FOCAD: variants seen among roughly 807,000 people sequenced by gnomAD.
The protein encoded by FOCAD is focadhesin, also known as KIAA1797.
FOCAD carries 198 observed loss-of-function variants against 225.6 expected under a neutral mutation model. That is an observed-to-expected ratio of 0.88 (90% CI 0.78 to 0.99). The LOEUF is 0.99. FOCAD is among the 50% of genes least tolerant of loss of function. FOCAD has a pLI of 0.00. For missense variants in FOCAD, 2,713 were observed against 2,123.6 expected (o/e 1.28, Z -5.46); for synonymous variants, 897 against 755.0 (o/e 1.19, Z -3.08).
chr9:20,926,818 A>G (rs1834999417), intron 26 of FOCAD, among the ~76,000 whole-genome samples: 1 of 151,536 alleles, frequency 6.6e-6, no homozygotes, highest in Non-Finnish European at 1.5e-5. Context: ...AAAAAAAGAA[A>G]TCCATTATAT....
In FOCAD at chr9:20,781,928, A is replaced by G. The variant is rs1426964002; in HGVS notation, c.1196A>G (p.Lys399Arg). The G allele has an allele frequency of 6.2e-6, 10 of 1,613,218 alleles. No individual in the cohort carries two copies. Among genetic ancestry groups the G allele is most frequent in the Non-Finnish European group, 8.5e-6 (10 of 1,179,384 alleles). ...GAATGTTACAGAGATGACCACCAAA[A>G]GGTAATGAATCTATCCTTGTTTCTC... ...QQECYRDDHQ[K>R]LSYKLVCPVT... Residue 399 changes from lysine to arginine, a missense_variant and splice_region_variant, in exon 10 of 44, where the codon AAG becomes AGG. Coordinates refer to ENST00000338382, the MANE Select transcript of FOCAD (RefSeq NM_001375567.1).
At chr9:20,733,307 T>A (rs2131616942) in intron 4 of FOCAD, among the ~76,000 whole-genome samples, 1 of 152,328 alleles carries the variant, frequency 6.6e-6, no homozygotes, top group South Asian at 2.1e-4. Context: ...ATTGTTTATT[T>A]CAATTTCTCC....
chr9:20,914,159 A>C (rs923373114), intron 23 of FOCAD, among the ~76,000 whole-genome samples: 4 of 152,082 alleles, frequency 2.6e-5, no homozygotes, highest in Non-Finnish European at 4.4e-5. Context: ...CCTTGAAGTG[A>C]GCTCTTCCTC....
intron 14 of FOCAD, among the ~76,000 whole-genome samples, chr9:20,821,744 G>C (rs902588070): frequency 1.3e-5 from 2 of 151,856 alleles, no homozygotes; most frequent in African/African-American, 4.8e-5. Flanking sequence ...CTGTAGTCCT[G>C]CAGTTTCATT....
At chr9:20,669,200 C>T (rs1022480154) in intron 2 of FOCAD, among the ~76,000 whole-genome samples, 1 of 152,076 alleles carries the variant, frequency 6.6e-6, no homozygotes, top group Non-Finnish European at 1.5e-5. Context: ...TGCTCATTCT[C>T]AGGGTTGTGC....
chr9:20,809,144 T>C (rs920685444), intron 11 of FOCAD, among the ~76,000 whole-genome samples: 4 of 152,194 alleles, frequency 2.6e-5, no homozygotes, highest in East Asian at 1.9e-4. Flanking sequence ...TCACAGCATA[T>C]CAACAATTTA....
intron 8 of FOCAD, among the ~76,000 whole-genome samples, chr9:20,776,960 C>T (rs1227786636): frequency 1.3e-5 from 2 of 152,048 alleles, no homozygotes; most frequent in Non-Finnish European, 2.9e-5. Context: ...ATGTATTATC[C>T]TCAAATAGAT....
At chr9:20,846,030 C>G (rs950222914) in intron 15 of FOCAD, among the ~76,000 whole-genome samples, 2 of 152,002 alleles carry the variant, frequency 1.3e-5, no homozygotes, top group South Asian at 2.1e-4. Context: ...TATGGACTTG[C>G]GGAGTTGCAA....
At chr9:20,669,304 A>C (rs966375998) in intron 2 of FOCAD, among the ~76,000 whole-genome samples, 3 of 152,172 alleles carry the variant, frequency 2.0e-5, no homozygotes, top group Non-Finnish European at 4.4e-5. Flanking sequence ...GCTAGTTTGA[A>C]GGGATTCTGT....
intron 28 of FOCAD, among the ~76,000 whole-genome samples, chr9:20,936,890 C>T (rs1004250511): frequency 2.0e-5 from 3 of 152,162 alleles, no homozygotes; most frequent in East Asian, 1.9e-4. Context: ...TCTCAGAATA[C>T]AAAATCAATG....
chr9:20,763,836 A>G (rs1829826705), intron 6 of FOCAD, among the ~76,000 whole-genome samples: 2 of 152,076 alleles, frequency 1.3e-5, no homozygotes, highest in Non-Finnish European at 2.9e-5. Context: ...CCATATTTTT[A>G]TTTTTGATGA....
At chr9:20,939,017 G>T (rs185662775) in intron 28 of FOCAD, among the ~76,000 whole-genome samples, 15 of 151,608 alleles carry the variant, frequency 9.9e-5, no homozygotes, top group Admixed American at 9.2e-4. Flanking sequence ...GGGCGTGGTT[G>T]CAGGCGCCTG....
intron 1 of FOCAD, among the ~76,000 whole-genome samples, chr9:20,692,354 T>C (rs554470769): frequency 6.6e-6 from 1 of 152,310 alleles, no homozygotes; most frequent in African/African-American, 2.4e-5. Flanking sequence ...GTGTGTTGGC[T>C]ATACCTTCAC....
rs748378215 is a variant in FOCAD at position 20,865,980 on chromosome 9, C to T, written c.2106+4C>T. On this transcript the variant is annotated splice_donor_region_variant and intron_variant, in intron 17 of 43. Transcript: ENST00000338382. ...CTGGACTCATACTCAAAACAAGGTA[C>T]TATCACAAGGCTTGTCAGTGAATCA... The T allele has an allele frequency of 4.4e-6, 7 of 1,603,822 alleles. No homozygotes were observed. In the East Asian group the frequency reaches 1.1e-4, roughly 26 times the overall value.
At chr9:20,718,845 A>T (rs1224156689) in intron 3 of FOCAD, among the ~76,000 whole-genome samples, 1 of 152,128 alleles carries the variant, frequency 6.6e-6, no homozygotes, top group African/African-American at 2.4e-5. Context: ...GCAGCAGTTT[A>T]TTTATTTGTT....
intron 16 of FOCAD, among the ~76,000 whole-genome samples, chr9:20,864,713 A>G (rs1339164606): frequency 6.6e-6 from 1 of 152,052 alleles, no homozygotes; most frequent in Non-Finnish European, 1.5e-5. Flanking sequence ...TATTTTCTGA[A>G]TTGCTTTGCA....
chr9:20,987,220 C>G (rs549254785), intron 40 of FOCAD, among the ~76,000 whole-genome samples: 2 of 152,122 alleles, frequency 1.3e-5, no homozygotes, highest in African/African-American at 4.8e-5. Flanking sequence ...CTGACAAACA[C>G]GATTGTAATA....
At chr9:20,850,708 T>G (rs1222070357) in intron 15 of FOCAD, among the ~76,000 whole-genome samples, 1 of 151,504 alleles carries the variant, frequency 6.6e-6, no homozygotes, top group Non-Finnish European at 1.5e-5. Context: ...TTGGCACAAT[T>G]TAAATTGGTA....
chr9:20,880,554 A>G (rs899867165), intron 19 of FOCAD, among the ~76,000 whole-genome samples: 2 of 152,202 alleles, frequency 1.3e-5, no homozygotes, highest in African/African-American at 2.4e-5. Flanking sequence ...AGCACAGAGC[A>G]GGGTTGAGAA....
Sources: allele counts gnomAD v4.1 joint callset (sites outside exome capture counted in the v4.1 genomes callset), GRCh38; gene constraint gnomAD v4.1.1; transcripts MANE v1.5; gene names NCBI Gene and HGNC (gene_info 2026-07-23, HGNC 2026-07-21).